Variants in MCTP1 observed in about 807,000 individuals in gnomAD.
The protein encoded by MCTP1 is multiple C2 and transmembrane domain containing 1, also known as multiple C2 and transmembrane domain-containing protein 1.
MCTP1 carries 69 observed loss-of-function variants against 120.6 expected under a neutral mutation model. The observed-to-expected ratio is 0.57, with a 90% confidence interval of 0.47 to 0.70. MCTP1 has a LOEUF of 0.70. MCTP1 is among the 30% of genes least tolerant of loss of function. MCTP1 has a pLI of 0.00. For missense variants in MCTP1, 1,203 were observed against 1,248.8 expected, an observed-to-expected ratio of 0.96 and a Z score of 0.55; for synonymous variants, 529 against 493.1, an observed-to-expected ratio of 1.07 and a Z score of -0.96.
chr5:95,194,846 CAG>C (rs1430172609), intron 1 of MCTP1, among the ~76,000 whole-genome samples: 1 of 152,168 alleles, frequency 6.6e-6, no homozygotes. Context: ...CAGAATAAAA[CAG>C]AGCCCTGGAC....
At chr5:94,798,900 T>G in intron 18 of MCTP1, 113 bp downstream of exon 18, 27 of 1,116,658 alleles carry the variant, frequency 2.4e-5, no homozygotes, top group Non-Finnish European at 3.2e-5. Flanking sequence ...CCTCTAAACT[T>G]GAGTATTTAT....
intron 1 of MCTP1, among the ~76,000 whole-genome samples, chr5:95,187,272 A>T (rs928940038): frequency 3.9e-5 from 6 of 152,230 alleles, no homozygotes; most frequent in Admixed American, 3.9e-4. Flanking sequence ...ATTCAGCCAT[A>T]AAAAGAATGA....
chr5:95,217,100 T>C (rs576719005), intron 1 of MCTP1, among the ~76,000 whole-genome samples: 135 of 152,340 alleles, frequency 8.9e-4, no homozygotes, highest in African/African-American at 3.2e-3. Context: ...CTCAGTAAGA[T>C]TACAGATGTA....
chr5:95,061,407 G>GGTTTTTTTTTTT (rs1749065597), intron 1 of MCTP1, among the ~76,000 whole-genome samples: 3 of 67,858 alleles, frequency 4.4e-5, no homozygotes, highest in African/African-American at 1.6e-4. Context: ...ACCCCTTAAG[G>GGTTTTTTTTTTT]GTTTTTTTTT....
chr5:94,763,262 C>T (rs1771758586), intron 19 of MCTP1, among the ~76,000 whole-genome samples: 1 of 152,164 alleles, frequency 6.6e-6, no homozygotes, highest in Non-Finnish European at 1.5e-5. Context: ...ACAATTCTCT[C>T]CTTTAAAATT....
At chr5:95,057,830 A>C (rs1747827639) in intron 1 of MCTP1, among the ~76,000 whole-genome samples, 1 of 152,192 alleles carries the variant, frequency 6.6e-6, no homozygotes. Context: ...TGATCCGCAA[A>C]ATGTCAAACC....
intron 21 of MCTP1, 128 bp from the exon 22 acceptor site, chr5:94,708,737 T>C (rs1413517603): frequency 5.2e-6 from 3 of 572,034 alleles, no homozygotes; most frequent in South Asian, 4.7e-5. Context: ...TTCCTCTTTT[T>C]CTCCTTCATT....
intron 17 of MCTP1, among the ~76,000 whole-genome samples, chr5:94,841,847 A>G (rs1388669505): frequency 2.0e-5 from 3 of 152,222 alleles, no homozygotes; most frequent in African/African-American, 7.2e-5. Context: ...CCGAGCACAG[A>G]GGTTCCTGTA....
chr5:94,774,924 A>G (rs971507847), intron 19 of MCTP1, among the ~76,000 whole-genome samples: 3 of 152,156 alleles, frequency 2.0e-5, no homozygotes, highest in African/African-American at 7.2e-5. Context: ...CTCATATCAC[A>G]TCACTTCTCA....
chr5:95,192,890 A>G (rs1749980568), intron 1 of MCTP1, among the ~76,000 whole-genome samples: 1 of 152,098 alleles, frequency 6.6e-6, no homozygotes, highest in Admixed American at 6.6e-5. Flanking sequence ...GAGGGAATAG[A>G]TTGCTACTTG....
chr5:94,854,534 T>A (rs1037026768), intron 17 of MCTP1, among the ~76,000 whole-genome samples: 30 of 151,906 alleles, frequency 2.0e-4, no homozygotes, highest in African/African-American at 6.5e-4. Context: ...CCTAGTCTGG[T>A]TCCATGTCAG....
At chr5:95,090,989 C>T (rs187966793) in intron 1 of MCTP1, among the ~76,000 whole-genome samples, 1 of 152,290 alleles carries the variant, frequency 6.6e-6, no homozygotes, top group Non-Finnish European at 1.5e-5. Context: ...ACAAATGTAG[C>T]CCCTGCCCAC....
At chr5:95,208,969 G>A (rs1375731516) in intron 1 of MCTP1, among the ~76,000 whole-genome samples, 1 of 151,804 alleles carries the variant, frequency 6.6e-6, no homozygotes, top group African/African-American at 2.4e-5. Context: ...TCATCTCTTT[G>A]CCTTTCTTCT....
intron 17 of MCTP1, chr5:94,867,206 G>A (rs1796979336): frequency 3.1e-6 from 4 of 1,282,254 alleles, no homozygotes; most frequent in Middle Eastern, 2.0e-4. Context: ...GAGAGAGACA[G>A]AGAGAGAGAG....
At chr5:95,014,958 A>C in intron 2 of MCTP1, among the ~76,000 whole-genome samples, 1 of 152,294 alleles carries the variant, frequency 6.6e-6, no homozygotes, top group Non-Finnish European at 1.5e-5. Context: ...AGCCATCAAC[A>C]TCGAGGCAAG....
intron 7 of MCTP1, among the ~76,000 whole-genome samples, chr5:94,918,927 TG>T (rs1810851329): frequency 6.6e-6 from 1 of 152,188 alleles, no homozygotes; most frequent in Non-Finnish European, 1.5e-5. Flanking sequence ...GACTAGAGAT[TG>T]GCAAGGCTGA....
intron 3 of MCTP1, among the ~76,000 whole-genome samples, chr5:94,943,595 G>A (rs1484260863): frequency 6.6e-6 from 1 of 152,076 alleles, no homozygotes; most frequent in Non-Finnish European, 1.5e-5. Flanking sequence ...GCTAGGAACT[G>A]AGTAAACAGT....
intron 11 of MCTP1, among the ~76,000 whole-genome samples, chr5:94,891,316 C>T (rs1009411158): frequency 1.3e-5 from 2 of 152,066 alleles, no homozygotes; most frequent in Non-Finnish European, 1.5e-5. Flanking sequence ...ACTGTGGGGG[C>T]GTTAGACAAC....
At chr5:94,862,183 A>T (rs1795936430) in intron 17 of MCTP1, among the ~76,000 whole-genome samples, 1 of 151,832 alleles carries the variant, frequency 6.6e-6, no homozygotes, top group Non-Finnish European at 1.5e-5. Flanking sequence ...TTTCCACGTT[A>T]CAGGACAAAG....
Sources: allele counts gnomAD v4.1 joint callset (sites outside exome capture counted in the v4.1 genomes callset), GRCh38; gene constraint gnomAD v4.1.1; transcripts MANE v1.5; gene names NCBI Gene and HGNC (gene_info 2026-07-23, HGNC 2026-07-21).